Variants in SFT2D2 observed in about 807,000 individuals in gnomAD.
SFT2D2 encodes the protein SFT2 domain containing 2, also known as vesicle transport protein SFT2B.
A neutral mutation model predicts 27.4 loss-of-function variants in SFT2D2; 21 were observed. That is an observed-to-expected ratio of 0.77 (90% CI 0.54 to 1.10). The LOEUF is 1.10. Among genes scored for constraint, SFT2D2 ranks in the 50% least tolerant of loss-of-function variants. The pLI is 0.00. For synonymous variants in SFT2D2, 72 were observed against 71.7 expected (o/e 1.00, Z -0.02); for missense variants, 187 against 194.2 (o/e 0.96, Z 0.22).
Position 168,248,759 on chromosome 1 carries a change from T to C in SFT2D2, c.*6219T>C, listed in dbSNP as rs1305998291. On this transcript the variant is annotated 3_prime_UTR_variant, in exon 8 of 8. Transcript: ENST00000271375. ...GGTAGGCTATTAATTACTGCCTCAA[T>C]TTCAGAACTTGTTATTGGTCTATTC... 1 of 152,240 alleles carries C rather than the reference T, an allele frequency of 6.6e-6. No individual in the cohort carries two copies. The highest frequency in any genetic ancestry group is 6.5e-5 in the Admixed American group (1 of 15,278). 9.4% of individuals were successfully genotyped at this position (152,240 alleles called of 1,614,324 possible).
Position 168,251,787 on chromosome 1 carries a change from A to C in SFT2D2, c.*9247A>C, listed in dbSNP as rs770617222. The C allele has an allele frequency of 1.3e-5, 2 of 152,070 alleles. No individual in the cohort carries two copies. Among genetic ancestry groups the C allele is most frequent in the African/African-American group, 2.4e-5 (1 of 41,406 alleles). 9.4% of individuals were successfully genotyped at this position (152,070 alleles called of 1,614,324 possible). ...GACAGCATTTTTAAAAAGTGAATAG[A>C]TGTTTAACTGAAGTTAAATACAAAT... On this transcript the variant is annotated 3_prime_UTR_variant, in exon 8 of 8. Coordinates refer to ENST00000271375, the MANE Select transcript of SFT2D2 (RefSeq NM_199344.3).
At chr1:168,226,754 A>C (rs1215288208) in intron 1 of SFT2D2, among the ~76,000 whole-genome samples, 32 of 152,070 alleles carry the variant, frequency 2.1e-4, no homozygotes, top group Admixed American at 2.1e-3. Context: ...ACTGCCCACA[A>C]CTAGTCTCTA....
Position 168,246,211 on chromosome 1 carries a change from T to G in SFT2D2, c.*3671T>G. The G allele has an allele frequency of 3.4e-6, 1 of 295,764 alleles. No homozygotes were observed. Among genetic ancestry groups the G allele is most frequent in the Non-Finnish European group, 6.6e-6 (1 of 151,108 alleles). The allele number at this position is 295,764 out of a possible 1,614,324, so 18.3% of individuals were successfully genotyped here. On this transcript the variant is annotated 3_prime_UTR_variant, in exon 8 of 8. Coordinates refer to ENST00000271375, the MANE Select transcript of SFT2D2 (RefSeq NM_199344.3). Reference sequence around the variant, plus strand: ...TGTTCTTCTAGCAAAAGACGGTGCTTTATGCACTCAGCTTGAAGATTTTGT... The same window carrying G: ...TGTTCTTCTAGCAAAAGACGGTGCTGTATGCACTCAGCTTGAAGATTTTGT...
intron 1 of SFT2D2, among the ~76,000 whole-genome samples, chr1:168,228,438 C>T (rs549246984): frequency 2.0e-5 from 3 of 152,266 alleles, no homozygotes; most frequent in East Asian, 3.9e-4. Context: ...TTCTATTTCT[C>T]CTACCTCTCC....
intron 1 of SFT2D2, 130 bp downstream of exon 1, chr1:168,226,272 C>A (rs917289118): frequency 2.7e-6 from 2 of 733,984 alleles, no homozygotes; most frequent in African/African-American, 1.9e-5. Flanking sequence ...TCCTCCTCTT[C>A]TTCTGCAGGG....
intron 3 of SFT2D2, among the ~76,000 whole-genome samples, chr1:168,233,489 C>T (rs1647385136): frequency 6.6e-6 from 1 of 152,200 alleles, no homozygotes; most frequent in African/African-American, 2.4e-5. Context: ...AGCTCTGTGT[C>T]TGGCTGGAAA....
chr1:168,228,372 G>T (rs1401708637), intron 1 of SFT2D2, among the ~76,000 whole-genome samples: 2 of 152,190 alleles, frequency 1.3e-5, no homozygotes, highest in South Asian at 4.1e-4. Flanking sequence ...GTCACTAGAA[G>T]AGAGTGCTTT....
intron 6 of SFT2D2, 132 bp downstream of exon 6, chr1:168,236,902 G>C (rs1427961542): frequency 4.4e-6 from 5 of 1,128,646 alleles, no homozygotes; most frequent in Non-Finnish European, 6.5e-6. Flanking sequence ...GATTCGTAAT[G>C]ATGAAAGTGA....
In SFT2D2 at chr1:168,246,680, C is replaced by T. The variant is rs772107298; in HGVS notation, c.*4140C>T. 8.5e-7 allele frequency: 1 copy of T among 1,170,170 alleles called. No homozygotes were observed. Among genetic ancestry groups the T allele is most frequent in the Non-Finnish European group, 1.3e-6 (1 of 797,382 alleles). 72.5% of individuals were successfully genotyped at this position (1,170,170 alleles called of 1,614,324 possible). On this transcript the variant is annotated 3_prime_UTR_variant, in exon 8 of 8. Coordinates refer to ENST00000271375, the MANE Select transcript of SFT2D2 (RefSeq NM_199344.3). The stretch of plus-strand genomic sequence containing the variant: ...TGACTTTGATCATGATCATGTAGAG[C>T]AACATTCAGTCTACGATGGTATGAT...
At chr1:168,238,930 A>C (rs1647576887) in intron 6 of SFT2D2, among the ~76,000 whole-genome samples, 1 of 152,136 alleles carries the variant, frequency 6.6e-6, no homozygotes, top group South Asian at 2.1e-4. Flanking sequence ...CTATCTGTAC[A>C]TGGCCATAGT....
chr1:168,245,027 A>G lies in SFT2D2; in HGVS notation c.*2487A>G, dbSNP rs1487761636. 6.6e-6 allele frequency: 1 copy of G among 152,226 alleles called. No individual in the cohort carries two copies. The highest frequency in any genetic ancestry group is 1.5e-5 in the Non-Finnish European group (1 of 68,050). The allele number at this position is 152,226 out of a possible 1,614,324, so 9.4% of individuals were successfully genotyped here. The stretch of plus-strand genomic sequence containing the variant: ...TTTCCCCTAAGATTGAGAATAAGAC[A>G]GAGATGTCAACTCTTACCACTTCTA... On this transcript the variant is annotated 3_prime_UTR_variant, in exon 8 of 8. Coordinates refer to ENST00000271375, the MANE Select transcript of SFT2D2 (RefSeq NM_199344.3).
chr1:168,242,364 C>T (rs1434620438), intron 7 of SFT2D2, 137 bp from the exon 8 acceptor site: 3 of 880,038 alleles, frequency 3.4e-6, no homozygotes, highest in Non-Finnish European at 3.8e-6. Flanking sequence ...AATGTTGAAG[C>T]TGCAGTTTGA....
chr1:168,252,066 C>T lies in SFT2D2; in HGVS notation c.*9526C>T, dbSNP rs1439334995. 1 of 152,184 alleles carries T rather than the reference C, an allele frequency of 6.6e-6. No homozygotes were observed. 9.4% of individuals were successfully genotyped at this position (152,184 alleles called of 1,614,324 possible). A position where few individuals can be genotyped will look rare whatever the true frequency, so the allele number is the denominator to read the frequency against. ...TAGTCCCTGATACTTAAGCTTTACC[C>T]TTGGCTTACCAGTTTTCATTGCAGC... On this transcript the variant is annotated 3_prime_UTR_variant, in exon 8 of 8. Transcript: ENST00000271375.
rs916835498 is a variant in SFT2D2 at position 168,245,339 on chromosome 1, A to G, written c.*2799A>G. On this transcript the variant is annotated 3_prime_UTR_variant, in exon 8 of 8. Coordinates refer to ENST00000271375, the MANE Select transcript of SFT2D2 (RefSeq NM_199344.3). ...TAAAGAATTAGGAATTGAAAATTTA[A>G]AAATAATACCATTTACAATAGCATT... The G allele has an allele frequency of 3.3e-5, 5 of 152,210 alleles. No individual in the cohort carries two copies. Among genetic ancestry groups the G allele is most frequent in the Non-Finnish European group, 7.3e-5 (5 of 68,038 alleles). 9.4% of individuals were successfully genotyped at this position (152,210 alleles called of 1,614,324 possible). A position where few individuals can be genotyped will look rare whatever the true frequency, so the allele number is the denominator to read the frequency against.
rs527892735 is a variant in SFT2D2 at position 168,234,683 on chromosome 1, C to T, written c.237-418C>T. Among the ~76,000 whole-genome samples the T allele has an allele frequency of 5.9e-5, 9 of 152,220 alleles. No individual in the cohort carries two copies. In the South Asian group the frequency reaches 1.7e-3, roughly 28 times the overall value. ...TGCTCTACTTTTTAACATAAGCTAC[C>T]TAAGCCTGTAAGGTATGGTTTTTCT... On this transcript the variant is annotated intron_variant, in intron 3 of 7. Coordinates refer to ENST00000271375, the MANE Select transcript of SFT2D2 (RefSeq NM_199344.3).
chr1:168,231,516 T>C lies in SFT2D2; in HGVS notation c.66T>C (p.Val22=), dbSNP rs146498468. The change falls in exon 2 of 8, where the codon GTT becomes GTC. Residue 22 remains valine, a splice_region_variant and synonymous_variant. Coordinates refer to ENST00000271375, the MANE Select transcript of SFT2D2 (RefSeq NM_199344.3). ...DTEDRSGLSE[V]VEASSLSWST... ...TATTTTTTTTTTTTCAATTTTAGGTTGTTGAGGCATCTTCATTAAGCTGGA... is the reference window on the plus strand; with the variant it reads ...TATTTTTTTTTTTTCAATTTTAGGTCGTTGAGGCATCTTCATTAAGCTGGA... 6.8e-5 allele frequency: 109 copies of C among 1,613,512 alleles called. No homozygotes were observed. Among genetic ancestry groups the C allele is most frequent in the Admixed American group, 4.7e-4 (28 of 59,970 alleles).
Position 168,234,392 on chromosome 1 carries a change from C to CAA in SFT2D2, c.237-697_237-696dup, listed in dbSNP as rs201792164. 1.4e-4 allele frequency among the ~76,000 whole-genome samples: 16 copies of CAA among 111,004 alleles called. No homozygotes were observed. The East Asian group carries it at 1.5e-3, about 10-fold the overall frequency. The allele number at this position is 111,004 out of a possible 152,430, so 72.8% of individuals were successfully genotyped here. A position where few individuals can be genotyped will look rare whatever the true frequency, so the allele number is the denominator to read the frequency against. Reference sequence around the variant, plus strand: ...CTGGCGACAGAGTGAGACTCCATGTCAAAAAAAAAAAAACAAACAAAAAAA... The same window carrying CAA: ...CTGGCGACAGAGTGAGACTCCATGTCAAAAAAAAAAAAAAACAAACAAAAAAA... On this transcript the variant is annotated intron_variant, in intron 3 of 7. Transcript: ENST00000271375.
Position 168,245,294 on chromosome 1 carries a change from G to T in SFT2D2, c.*2754G>T, listed in dbSNP as rs1647778194. The T allele has an allele frequency of 6.6e-6, 1 of 152,168 alleles. No homozygotes were observed. Among genetic ancestry groups the T allele is most frequent in the Admixed American group, 6.5e-5 (1 of 15,284 alleles). 9.4% of individuals were successfully genotyped at this position (152,168 alleles called of 1,614,324 possible). ...TATAATTGATATACACAAATCAATTGTGTTTCTCCATGTTAGAAGTAAAGA... is the reference window on the plus strand; with the variant it reads ...TATAATTGATATACACAAATCAATTTTGTTTCTCCATGTTAGAAGTAAAGA... On this transcript the variant is annotated 3_prime_UTR_variant, in exon 8 of 8. Transcript: ENST00000271375.
rs906086260 is a variant in SFT2D2, at chr1:168,252,964, C to G, written c.*10424C>G. 6.6e-6 allele frequency: 1 copy of G among 152,128 alleles called. No homozygotes were observed. The highest frequency in any genetic ancestry group is 1.5e-5 in the Non-Finnish European group (1 of 68,026). The allele number at this position is 152,128 out of a possible 1,614,324, so 9.4% of individuals were successfully genotyped here. On this transcript the variant is annotated 3_prime_UTR_variant, in exon 8 of 8. Coordinates refer to ENST00000271375, the MANE Select transcript of SFT2D2 (RefSeq NM_199344.3). Reference sequence around the variant, plus strand: ...CCAAGCTGTCTCTCCTCCCCCATCACAATTGTTAGTTTTTTTTGCTTTCTT... The same window carrying G: ...CCAAGCTGTCTCTCCTCCCCCATCAGAATTGTTAGTTTTTTTTGCTTTCTT...
Sources: allele counts gnomAD v4.1 joint callset (sites outside exome capture counted in the v4.1 genomes callset), GRCh38; gene constraint gnomAD v4.1.1; transcripts MANE v1.5; gene names NCBI Gene and HGNC (gene_info 2026-07-23, HGNC 2026-07-21).